Variants in DEFB116 observed in about 807,000 individuals in gnomAD.
The protein encoded by DEFB116 is beta-defensin 116.
In DEFB116, 5 loss-of-function variants were observed where a neutral mutation model predicts 2.8. That is an observed-to-expected ratio of 1.80 (90% CI 0.94 to 3.79). The LOEUF (loss-of-function observed/expected upper bound fraction) is 3.79. DEFB116 is among the 30% of genes most tolerant of loss of function. The probability of loss-of-function intolerance (pLI) is 0.00; values close to 1 mark genes in which losing one functional copy is unlikely to be tolerated. For missense variants in DEFB116, 170 were observed against 118.0 expected, an observed-to-expected ratio of 1.44 and a Z score of -2.04; for synonymous variants, 56 against 40.8, an observed-to-expected ratio of 1.37 and a Z score of -1.42.
intron 1 of DEFB116, among the ~76,000 whole-genome samples, chr20:31,306,025 T>C (rs1175742698): frequency 6.6e-6 from 1 of 152,016 alleles, no homozygotes; most frequent in Non-Finnish European, 1.5e-5. Context: ...TGGAAGTGTA[T>C]TGAAAGCAAA....
intron 1 of DEFB116, among the ~76,000 whole-genome samples, chr20:31,306,481 G>A (rs1984992572): frequency 6.6e-6 from 1 of 152,122 alleles, no homozygotes; most frequent in African/African-American, 2.4e-5. Flanking sequence ...TACAACTCTT[G>A]AAGCATAGAG....
At chr20:31,308,169 C>A (rs1010911455) in intron 1 of DEFB116, among the ~76,000 whole-genome samples, 29 of 152,100 alleles carry the variant, frequency 1.9e-4, no homozygotes, top group Admixed American at 1.4e-3. Flanking sequence ...AACTCCCTAC[C>A]CAACTCCAAA....
rs1384383668 is a variant in DEFB116, at chr20:31,303,449, G to A, written c.72C>T (p.Gly24=). The A allele has an allele frequency of 1.2e-6, 2 of 1,613,084 alleles. No homozygotes were observed. Among genetic ancestry groups the A allele is most frequent in the Non-Finnish European group, 1.7e-6 (2 of 1,179,436 alleles). Residue 24 remains glycine (G), a synonymous_variant, in exon 2 of 2, where the codon GGC becomes GGT. Coordinates refer to ENST00000400549, the MANE Select transcript of DEFB116 (RefSeq NM_001037731.1). The part of the protein sequence containing the change: ...LMILAQKTPG[G]LFRSHNGKSR... ...TCTTGCCATTGTGGGATCTGAACAG[G>A]CCACCTGGGAAAGACATGGCCATGT... is the stretch of plus-strand genomic sequence containing the variant.
At chr20:31,304,857 AGC>A (rs1203272812) in intron 1 of DEFB116, among the ~76,000 whole-genome samples, 1 of 152,114 alleles carries the variant, frequency 6.6e-6, no homozygotes, top group African/African-American at 2.4e-5. Flanking sequence ...AATGGGACAA[AGC>A]AAGTATAATG....
In DEFB116 at chr20:31,308,530, T is replaced by A. The variant is rs6119768; in HGVS notation, c.56A>T (p.Gln19Leu). 18,352 of 1,613,454 alleles carry A rather than the reference T, an allele frequency of 0.011. 1,741 individuals carry two copies. The African/African-American group carries it at 0.21, about 19-fold the overall frequency. The change falls in exon 1 of 2, where the codon CAA becomes CTA. Residue 19 changes from glutamine (Q) to leucine (L), a missense_variant. Physicochemically the swap from Gln to Leu is moderately radical, Grantham distance 113. Transcript: ENST00000400549. ...MTIAILMILA[Q>L]KTPGGLFRSH... ...GAGGCCTGAGTTACCTGGAGTCTTTTGAGCCAGGATCATAAGGATGGCAAT... is the reference window on the plus strand; with the variant it reads ...GAGGCCTGAGTTACCTGGAGTCTTTAGAGCCAGGATCATAAGGATGGCAAT...
intron 1 of DEFB116, among the ~76,000 whole-genome samples, chr20:31,307,465 T>C (rs1201878555): frequency 1.3e-5 from 2 of 152,186 alleles, no homozygotes; most frequent in South Asian, 2.1e-4. Context: ...ATAAAACTCC[T>C]AGGAGAAAAC....
At chr20:31,307,707 ACC>A (rs1029089395) in intron 1 of DEFB116, among the ~76,000 whole-genome samples, 1 of 151,970 alleles carries the variant, frequency 6.6e-6, no homozygotes, top group South Asian at 2.1e-4. Flanking sequence ...AATAGCCACA[ACC>A]CTGCTGTGAT....
intron 1 of DEFB116, among the ~76,000 whole-genome samples, chr20:31,305,240 A>G (rs1285337855): frequency 3.3e-5 from 5 of 152,054 alleles, no homozygotes; most frequent in Admixed American, 6.6e-5. Context: ...ATGGGAGAAG[A>G]AGATTGCAAA....
At position 31,303,456 on chromosome 20, in the gene DEFB116, G is replaced by A; in HGVS notation, c.68-3C>T. The stretch of plus-strand genomic sequence containing the variant: ...ATTGTGGGATCTGAACAGGCCACCT[G>A]GGAAAGACATGGCCATGTTTAGTTT... On this transcript the variant is annotated splice_polypyrimidine_tract_variant and splice_region_variant and intron_variant, in intron 1 of 1. Transcript: ENST00000400549. The A allele has an allele frequency of 1.2e-6, 2 of 1,612,862 alleles. No individual in the cohort carries two copies. The highest frequency in any genetic ancestry group is 2.2e-5 in the East Asian group (1 of 44,852).
In DEFB116 at chr20:31,305,375, G is replaced by C. The variant is rs6061161; in HGVS notation, c.68-1922C>G. On this transcript the variant is annotated intron_variant, in intron 1 of 1. Coordinates refer to ENST00000400549, the MANE Select transcript of DEFB116 (RefSeq NM_001037731.1). ...GATTTCCTGTCTGCAGTCACTGGAG[G>C]GATGGATAGAAACACAGATACCAAG... Among the ~76,000 whole-genome samples, 365 of 152,116 alleles carry C rather than the reference G, an allele frequency of 2.4e-3. 3 individuals carry two copies. The highest frequency in any genetic ancestry group is 8.3e-3 in the African/African-American group (343 of 41,508).
chr20:31,306,947 C>T (rs1389172693), intron 1 of DEFB116, among the ~76,000 whole-genome samples: 3 of 152,120 alleles, frequency 2.0e-5, no homozygotes, highest in African/African-American at 7.2e-5. Flanking sequence ...AAGAAACTTT[C>T]TTCAGAATTT....
In DEFB116 at chr20:31,303,420, C is replaced by T. The variant is rs1460804408; in HGVS notation, c.101G>A (p.Arg34Gln). The change falls in exon 2 of 2, where the codon CGA becomes CAA. Residue 34 changes from arginine (R) to glutamine (Q), a missense_variant. Arg to Gln is a conservative substitution (Grantham distance 43). Transcript: ENST00000400549. ...GLFRSHNGKS[R>Q]EPWNPCELYQ... ...AAGCTCACATGGATTCCAAGGCTCT[C>T]GGCTCTTGCCATTGTGGGATCTGAA... The T allele has an allele frequency of 2.5e-6, 4 of 1,613,368 alleles. No individual in the cohort carries two copies. Among genetic ancestry groups the T allele is most frequent in the African/African-American group, 1.3e-5 (1 of 74,994 alleles).
At chr20:31,304,323 T>G (rs942928243) in intron 1 of DEFB116, among the ~76,000 whole-genome samples, 1 of 152,136 alleles carries the variant, frequency 6.6e-6, no homozygotes, top group African/African-American at 2.4e-5. Flanking sequence ...ACCTATTTGA[T>G]GTTCTACAGA....
intron 1 of DEFB116, among the ~76,000 whole-genome samples, chr20:31,304,190 T>G (rs1286423000): frequency 1.3e-5 from 2 of 152,146 alleles, no homozygotes; most frequent in Non-Finnish European, 2.9e-5. Flanking sequence ...TTGATAGCTA[T>G]GTATAAGTCA....
intron 1 of DEFB116, among the ~76,000 whole-genome samples, chr20:31,307,715 G>A (rs764740272): frequency 6.6e-6 from 1 of 152,040 alleles, no homozygotes; most frequent in Admixed American, 6.6e-5. Context: ...CAACCCTGCT[G>A]TGATGAATTC....
intron 1 of DEFB116, 131 bp downstream of exon 1, chr20:31,308,388 T>G (rs1203967254): frequency 2.5e-6 from 2 of 803,108 alleles, no homozygotes; most frequent in Non-Finnish European, 4.2e-6. Context: ...GAATAACATC[T>G]GTGACCCACC....
chr20:31,308,435 T>A, intron 1 of DEFB116, 84 bp downstream of exon 1: 1 of 1,366,404 alleles, frequency 7.3e-7, no homozygotes, highest in South Asian at 1.2e-5. Flanking sequence ...GCCCACTATA[T>A]GTGAGTAGGA....
chr20:31,308,291 C>G (rs879734061), intron 1 of DEFB116, among the ~76,000 whole-genome samples: 4 of 152,136 alleles, frequency 2.6e-5, no homozygotes, highest in Admixed American at 2.6e-4. Context: ...CATGCTTAGA[C>G]TGTCCACTAT....
In DEFB116 at chr20:31,308,571, C is replaced by T. The variant is rs1985050462; in HGVS notation, c.15G>A (p.Lys5=). Residue 5 remains lysine, a synonymous_variant, in exon 1 of 2, where the codon AAG becomes AAA. Transcript: ENST00000400549. The part of the protein sequence containing the change: MSVM[K]PCLMTIAILM... The stretch of plus-strand genomic sequence containing the variant: ...GGATGGCAATGGTCATTAAACAGGG[C>T]TTCATGACTGACATGTTCCACCAGA... 5 of 1,613,354 alleles carry T rather than the reference C, an allele frequency of 3.1e-6. No individual in the cohort carries two copies. Among genetic ancestry groups the T allele is most frequent in the Non-Finnish European group, 1.7e-6 (2 of 1,179,510 alleles).
Sources: allele counts gnomAD v4.1 joint callset (sites outside exome capture counted in the v4.1 genomes callset), GRCh38; gene constraint gnomAD v4.1.1; transcripts MANE v1.5; gene names NCBI Gene and HGNC (gene_info 2026-07-23, HGNC 2026-07-21).